Variants in NTNG2 observed in about 807,000 individuals in gnomAD.
The protein encoded by NTNG2 is netrin G2, also known as netrin-G2.
NTNG2 carries 15 observed loss-of-function variants against 47.6 expected under a neutral mutation model. The observed-to-expected ratio is 0.32, with a 90% CI of 0.21 to 0.49. NTNG2 has a LOEUF of 0.49. Ranked by LOEUF, NTNG2 falls within the 20% of genes least tolerant of loss-of-function variation. NTNG2 has a pLI of 0.99. For synonymous variants in NTNG2, 307 were observed against 324.6 expected (o/e 0.95, Z 0.58); for missense variants, 578 against 764.6 (o/e 0.76, Z 2.88).
rs1835197742 is a variant in NTNG2, at chr9:132,162,997, G to C, written c.-484+758G>C. Among the ~76,000 whole-genome samples, 1 of 152,144 alleles carries C rather than the reference G, an allele frequency of 6.6e-6. No individual in the cohort carries two copies. The highest frequency in any genetic ancestry group is 1.5e-5 in the Non-Finnish European group (1 of 68,010). ...GGAGTAAGTTGGCCGTCTGGGCTGGGGGCGGCGGCGGCCGGGTCGCCACAG... is the reference window on the plus strand; with the variant it reads ...GGAGTAAGTTGGCCGTCTGGGCTGGCGGCGGCGGCGGCCGGGTCGCCACAG... On this transcript the variant is annotated intron_variant, in intron 1 of 7. Transcript: ENST00000393229. The surrounding 1 kb of genome is among the most constrained non-coding windows in gnomAD (Gnocchi z 4.6).
At chr9:132,172,161 C>T (rs1835975235) in intron 2 of NTNG2, among the ~76,000 whole-genome samples, 1 of 152,150 alleles carries the variant, frequency 6.6e-6, no homozygotes, top group Non-Finnish European at 1.5e-5. Flanking sequence ...ATGCCTGCCC[C>T]CTCCTTCCTT....
At chr9:132,181,407 A>G (rs927987762) in intron 2 of NTNG2, among the ~76,000 whole-genome samples, 3 of 142,870 alleles carry the variant, frequency 2.1e-5, no homozygotes, top group Non-Finnish European at 4.5e-5. Context: ...TGCAACCTCC[A>G]CCTCCCAAGT....
chr9:132,241,073 G>T (rs1280129381), intron 7 of NTNG2, 29 bp downstream of exon 7: 3 of 1,570,700 alleles, frequency 1.9e-6, no homozygotes, highest in African/African-American at 2.7e-5. Context: ...CCGTGGGCGG[G>T]GCCTGCGGAA....
At chr9:132,171,628 G>A (rs1240066062) in intron 2 of NTNG2, among the ~76,000 whole-genome samples, 2 of 152,214 alleles carry the variant, frequency 1.3e-5, no homozygotes, top group African/African-American at 4.8e-5. Flanking sequence ...TTACCCAGCT[G>A]CAGAGCAAAT....
rs1835183555 is a variant in NTNG2, at chr9:132,162,904, G to A, written c.-484+665G>A. ...GAACCTGGAACTGAGCGGCGCGCAG[G>A]TGGGGGGAGCAGAGGCGGCGGGAAG... On this transcript the variant is annotated intron_variant, in intron 1 of 7. Transcript: ENST00000393229. This position sits in a 1 kb window ranked among gnomAD's most constrained non-coding sequence, Gnocchi z 4.6. Among the ~76,000 whole-genome samples, 1 of 152,122 alleles carries A rather than the reference G, an allele frequency of 6.6e-6. No homozygotes were observed. Among genetic ancestry groups the A allele is most frequent in the Admixed American group, 6.5e-5 (1 of 15,290 alleles).
intron 2 of NTNG2, among the ~76,000 whole-genome samples, chr9:132,174,696 C>T (rs1229234131): frequency 2.6e-5 from 4 of 152,006 alleles, no homozygotes; most frequent in African/African-American, 9.7e-5. Flanking sequence ...CTGAGGTGGG[C>T]GGATCACCTG....
Position 132,231,685 on chromosome 9 carries a change from T to C in NTNG2, c.1054+1090T>C, listed in dbSNP as rs962906934. The C allele has an allele frequency of 8.1e-6, 2 of 246,666 alleles. No homozygotes were observed. Among genetic ancestry groups the C allele is most frequent in the Admixed American group, 1.1e-4 (2 of 18,950 alleles). The allele number at this position is 246,666 out of a possible 1,614,324, so 15.3% of individuals were successfully genotyped here. A position where few individuals can be genotyped will look rare whatever the true frequency, so the allele number is the denominator to read the frequency against. On this transcript the variant is annotated intron_variant, in intron 5 of 7. Coordinates refer to ENST00000393229, the MANE Select transcript of NTNG2 (RefSeq NM_032536.4). This position sits in a 1 kb window ranked among gnomAD's most constrained non-coding sequence, Gnocchi z 4.1. The stretch of plus-strand genomic sequence containing the variant: ...AAAGACCCCGACCCCAAAGGCCCTG[T>C]GGCCACTGCGGCCACCACAGCCATG...
intron 3 of NTNG2, among the ~76,000 whole-genome samples, chr9:132,223,643 C>G (rs1840514523): frequency 6.6e-6 from 1 of 152,186 alleles, no homozygotes; most frequent in Admixed American, 6.5e-5. Context: ...GCACTCCAGC[C>G]TGGGTGACAG....
intron 2 of NTNG2, among the ~76,000 whole-genome samples, chr9:132,186,915 C>T (rs2131392436): frequency 6.6e-6 from 1 of 152,360 alleles, no homozygotes; most frequent in African/African-American, 2.4e-5. Flanking sequence ...CCTGCTCTCC[C>T]AGAGTTCACA....
intron 2 of NTNG2, among the ~76,000 whole-genome samples, chr9:132,185,758 C>T (rs1837313148): frequency 6.6e-6 from 1 of 151,544 alleles, no homozygotes; most frequent in Non-Finnish European, 1.5e-5. Flanking sequence ...TTTGGGTGGC[C>T]AGTGAAGCCC....
rs1040121997 is a variant in NTNG2, at chr9:132,180,817, G to A, written c.213+13773G>A. ...GAGCGGGAGCTTCTCACTTTTAATG[G>A]TCATGGCCCCACTTGAGAATCCATG... On this transcript the variant is annotated intron_variant, in intron 2 of 7. Transcript: ENST00000393229. This position sits in a 1 kb window ranked among gnomAD's most constrained non-coding sequence, Gnocchi z 4.2. 1.3e-5 allele frequency among the ~76,000 whole-genome samples: 2 copies of A among 152,180 alleles called. No individual in the cohort carries two copies. Among genetic ancestry groups the A allele is most frequent in the Non-Finnish European group, 2.9e-5 (2 of 68,032 alleles).
intron 5 of NTNG2, among the ~76,000 whole-genome samples, chr9:132,238,806 GC>G (rs1434740351): frequency 6.6e-6 from 1 of 152,236 alleles, no homozygotes; most frequent in Non-Finnish European, 1.5e-5. Flanking sequence ...TGGCCCTGGT[GC>G]CCAGCCAGGC....
At chr9:132,167,087 G>A in intron 2 of NTNG2, 43 bp downstream of exon 2, 1 of 1,601,766 alleles carries the variant, frequency 6.2e-7, no homozygotes, top group Non-Finnish European at 8.5e-7. Context: ...GGCCAAGTGG[G>A]AGGAGGTCTG....
At chr9:132,185,571 T>G (rs1244193227) in intron 2 of NTNG2, among the ~76,000 whole-genome samples, 1 of 152,112 alleles carries the variant, frequency 6.6e-6, no homozygotes, top group Admixed American at 6.5e-5. Flanking sequence ...AAGCATTTTC[T>G]AAGTCCTGAA....
At chr9:132,176,299 C>G (rs896640181) in intron 2 of NTNG2, among the ~76,000 whole-genome samples, 1 of 152,210 alleles carries the variant, frequency 6.6e-6, no homozygotes, top group Non-Finnish European at 1.5e-5. Flanking sequence ...TTAGTCCCAA[C>G]ACGTTTCCAT....
chr9:132,226,938 G>A lies in NTNG2; in HGVS notation c.947G>A (p.Cys316Tyr). ...ECEHNTTGPD[C>Y]GKCKKNFRTR... ...GAGCACAACACCACCGGCCCCGACT[G>A]CGGCAAGTGCAAGAAGAATTTCCGC... The change falls in exon 4 of 8, where the codon TGC becomes TAC. Residue 316 changes from cysteine to tyrosine, a missense_variant. Cys to Tyr is a radical substitution (Grantham distance 194). Transcript: ENST00000393229. The surrounding 1 kb of genome is among the most constrained non-coding windows in gnomAD (Gnocchi z 4.8). 1 of 1,612,886 alleles carries A rather than the reference G, an allele frequency of 6.2e-7. No individual in the cohort carries two copies. The highest frequency in any genetic ancestry group is 1.7e-4 in the Middle Eastern group (1 of 6,054).
At chr9:132,240,805 C>A (rs1238710484) in intron 6 of NTNG2, 105 bp from the exon 7 acceptor site, 1 of 1,544,898 alleles carries the variant, frequency 6.5e-7, no homozygotes, top group African/African-American at 1.4e-5. Context: ...GGAGCATCCC[C>A]TGGGGAGTGT....
intron 3 of NTNG2, among the ~76,000 whole-genome samples, chr9:132,217,364 C>G (rs571807208): frequency 6.6e-6 from 1 of 152,240 alleles, no homozygotes; most frequent in South Asian, 2.1e-4. Flanking sequence ...TCTGGGGGAG[C>G]TGTGGGGTGG....
intron 3 of NTNG2, among the ~76,000 whole-genome samples, chr9:132,204,118 C>G (rs957325323): frequency 6.6e-6 from 1 of 152,200 alleles, no homozygotes; most frequent in Non-Finnish European, 1.5e-5. Flanking sequence ...CATCCTCACC[C>G]CCTTTCTGCC....
Sources: gnomAD v4.1 joint callset for allele counts (sites outside exome capture counted in the v4.1 genomes callset) on GRCh38, gnomAD v4.1.1 for gene constraint, Gnocchi (gnomAD v3.1) non-coding constraint, MANE v1.5 for transcripts, NCBI Gene and HGNC (gene_info 2026-07-23, HGNC 2026-07-21) for gene names.